Variants in SLC9A9 observed in about 807,000 individuals in gnomAD.
SLC9A9 encodes the protein sodium/hydrogen exchanger 9.
SLC9A9 carries 62 observed loss-of-function variants against 77.8 expected under a neutral mutation model. That is an observed-to-expected ratio of 0.80 (90% CI 0.65 to 0.98). The LOEUF (loss-of-function observed/expected upper bound fraction) is 0.98. SLC9A9 is among the 50% of genes least tolerant of loss of function. The pLI is 0.00. For synonymous variants in SLC9A9, 320 were observed against 283.5 expected (o/e 1.13, Z -1.29); for missense variants, 775 against 774.9 (o/e 1.00, Z 0.00).
At chr3:143,776,286 A>G (rs2007688936) in intron 4 of SLC9A9, among the ~76,000 whole-genome samples, 1 of 152,232 alleles carries the variant, frequency 6.6e-6, no homozygotes, top group South Asian at 2.1e-4. Context: ...GGTCATTATT[A>G]ACAGTACTCT....
At chr3:143,317,238 C>G (rs1178682734) in intron 14 of SLC9A9, among the ~76,000 whole-genome samples, 2 of 152,152 alleles carry the variant, frequency 1.3e-5, no homozygotes, top group Non-Finnish European at 2.9e-5. Flanking sequence ...CTCCCTCTGT[C>G]CAACTAGCCA....
At chr3:143,338,503 C>T (rs184877158) in intron 14 of SLC9A9, among the ~76,000 whole-genome samples, 98 of 152,246 alleles carry the variant, frequency 6.4e-4, no homozygotes, top group African/African-American at 2.3e-3. Context: ...CATTTATTTC[C>T]GATTAAATCA....
At chr3:143,382,306 G>A (rs2033324266) in intron 12 of SLC9A9, 192 bp from the exon 13 acceptor site, 4 of 640,360 alleles carry the variant, frequency 6.2e-6, no homozygotes, top group Non-Finnish European at 1.1e-5. Context: ...CTGGGCCTCA[G>A]GATGCTGGAG....
At chr3:143,606,436 C>CTCTCTATA (rs1419410834) in intron 6 of SLC9A9, among the ~76,000 whole-genome samples, 794 of 54,132 alleles carry the variant, frequency 0.015, 10 homozygotes, top group East Asian at 0.044. Context: ...CTCTCTCTCT[C>CTCTCTATA]TATATATATA....
intron 5 of SLC9A9, among the ~76,000 whole-genome samples, chr3:143,662,920 C>T (rs1166083580): frequency 1.3e-5 from 2 of 152,112 alleles, no homozygotes; most frequent in Admixed American, 6.5e-5. Flanking sequence ...CAGACTTAAA[C>T]GTCCCTGCCT....
chr3:143,472,305 A>G (rs2035392167), intron 11 of SLC9A9, among the ~76,000 whole-genome samples: 1 of 152,236 alleles, frequency 6.6e-6, no homozygotes, highest in Non-Finnish European at 1.5e-5. Context: ...TTTGATGAGG[A>G]AAAAGATTGC....
intron 12 of SLC9A9, among the ~76,000 whole-genome samples, chr3:143,389,282 G>A (rs2033499005): frequency 6.6e-6 from 1 of 152,118 alleles, no homozygotes; most frequent in African/African-American, 2.4e-5. Context: ...AGAAACTGGA[G>A]GCATGGAGGT....
At chr3:143,631,218 A>T (rs533859803) in intron 6 of SLC9A9, among the ~76,000 whole-genome samples, 61 of 152,262 alleles carry the variant, frequency 4.0e-4, no homozygotes, top group Middle Eastern at 3.4e-3. Flanking sequence ...CATAAATCCA[A>T]ACAAAACTTA....
intron 5 of SLC9A9, among the ~76,000 whole-genome samples, chr3:143,674,033 T>A (rs959368892): frequency 2.6e-5 from 4 of 152,164 alleles, no homozygotes; most frequent in Admixed American, 2.6e-4. Flanking sequence ...TATCTAAAAA[T>A]CCAATAAAGT....
At chr3:143,504,215 C>T (rs1559943619) in intron 9 of SLC9A9, 1 of 291,564 alleles carries the variant, frequency 3.4e-6, no homozygotes, top group Admixed American at 3.7e-5. Context: ...AAAAGCAGCA[C>T]TAGTGACCAG....
At chr3:143,600,388 A>G (rs1259387636) in intron 6 of SLC9A9, among the ~76,000 whole-genome samples, 2 of 152,258 alleles carry the variant, frequency 1.3e-5, no homozygotes, top group Admixed American at 6.5e-5. Context: ...CTATACAGCC[A>G]TAAGAAAGGA....
At chr3:143,457,010 C>T (rs1270025982) in intron 12 of SLC9A9, among the ~76,000 whole-genome samples, 1 of 152,082 alleles carries the variant, frequency 6.6e-6, no homozygotes, top group Non-Finnish European at 1.5e-5. Context: ...CCCTTATCAT[C>T]AGTTTAATGG....
chr3:143,463,264 G>A (rs923246510), intron 12 of SLC9A9, among the ~76,000 whole-genome samples: 12 of 152,170 alleles, frequency 7.9e-5, no homozygotes, highest in African/African-American at 2.4e-4. Context: ...TGGGGAGCCC[G>A]GGGAAGGTTT....
In SLC9A9 at chr3:143,760,451, C is replaced by T. The variant is rs567627400; in HGVS notation, c.533+34550G>A. Among the ~76,000 whole-genome samples, 66 of 152,250 alleles carry T rather than the reference C, an allele frequency of 4.3e-4. No homozygotes were observed. The East Asian group carries it at 0.011, about 26-fold the overall frequency. On this transcript the variant is annotated intron_variant, in intron 4 of 15. Transcript: ENST00000316549. ...TGATTGTATAGCTAGAAAACCCCAT[C>T]GTCTCAGCCCAAAATCTCCTTAAGT...
chr3:143,719,300 C>T (rs1934433695), intron 4 of SLC9A9, among the ~76,000 whole-genome samples: 1 of 152,150 alleles, frequency 6.6e-6, no homozygotes, highest in African/African-American at 2.4e-5. Flanking sequence ...ATGTGGGATG[C>T]AGTGGCCCAG....
intron 4 of SLC9A9, among the ~76,000 whole-genome samples, chr3:143,777,949 A>G (rs1004162704): frequency 6.9e-6 from 1 of 144,438 alleles, no homozygotes; most frequent in Non-Finnish European, 1.5e-5. Context: ...TTCTGACCTC[A>G]TGATCCACCC....
At chr3:143,405,650 C>T (rs187272198) in intron 12 of SLC9A9, among the ~76,000 whole-genome samples, 308 of 152,284 alleles carry the variant, frequency 2.0e-3, no homozygotes, top group Non-Finnish European at 3.6e-3. Context: ...ACACTCAGAG[C>T]ATTTGCAACA....
intron 12 of SLC9A9, among the ~76,000 whole-genome samples, chr3:143,462,377 A>C (rs2035207956): frequency 6.6e-6 from 1 of 152,178 alleles, no homozygotes; most frequent in African/African-American, 2.4e-5. Flanking sequence ...TCTCAAAAAA[A>C]AAAATTAATA....
intron 6 of SLC9A9, chr3:143,627,638 TG>T: frequency 7.5e-6 from 2 of 266,282 alleles, no homozygotes; most frequent in South Asian, 5.2e-5. Flanking sequence ...CAAAGGACTG[TG>T]CTGTACAGGT....
Sources: gnomAD v4.1 joint callset for allele counts (sites outside exome capture counted in the v4.1 genomes callset) on GRCh38, gnomAD v4.1.1 for gene constraint, MANE v1.5 for transcripts, NCBI Gene and HGNC (gene_info 2026-07-23, HGNC 2026-07-21) for gene names.